Variants in PCDHGB5 observed in about 807,000 individuals in gnomAD.
PCDHGB5 encodes protocadherin gamma subfamily B, 5, also known as protocadherin gamma-B5.
Under a neutral mutation model 62.9 loss-of-function variants are expected in PCDHGB5, and 48 were observed. That is an observed-to-expected ratio of 0.76 (90% CI 0.61 to 0.97). PCDHGB5 has a LOEUF of 0.97. PCDHGB5 is among the 50% of genes least tolerant of loss of function. PCDHGB5 has a pLI of 0.00. For synonymous variants in PCDHGB5, 474 were observed against 511.2 expected (o/e 0.93, Z 0.98); for missense variants, 1,118 against 1,198.6 (o/e 0.93, Z 0.99).
Position 141,485,261 on chromosome 5 carries a change from C to G in PCDHGB5, c.2398-9546C>G, listed in dbSNP as rs759268725. 1 of 1,614,076 alleles carries G rather than the reference C, an allele frequency of 6.2e-7. No homozygotes were observed. The highest frequency in any genetic ancestry group is 8.5e-7 in the Non-Finnish European group (1 of 1,179,904). On this transcript the variant is annotated intron_variant, in intron 1 of 3. Transcript: ENST00000617380. This position sits in a 1 kb window ranked among gnomAD's most constrained non-coding sequence, Gnocchi z 5.7. The stretch of plus-strand genomic sequence containing the variant: ...TTACCACCTGGGTTACGTTTGTGGG[C>G]AGATCCGCTACCCGGTCCCAGAGGA...
chr5:141,490,396 A>G lies in PCDHGB5; in HGVS notation c.2398-4411A>G. ...GGACTCAGGTAGAAATGGTGAAGTGAGCCTTGATATCTCTCCGGACCTGCC... is the reference window on the plus strand; with the variant it reads ...GGACTCAGGTAGAAATGGTGAAGTGGGCCTTGATATCTCTCCGGACCTGCC... On this transcript the variant is annotated intron_variant, in intron 1 of 3. Coordinates refer to ENST00000617380, the MANE Select transcript of PCDHGB5 (RefSeq NM_018925.3). The surrounding 1 kb of genome is among the most constrained non-coding windows in gnomAD (Gnocchi z 5.4). 1 of 1,614,146 alleles carries G rather than the reference A, an allele frequency of 6.2e-7. No homozygotes were observed. The highest frequency in any genetic ancestry group is 8.5e-7 in the Non-Finnish European group (1 of 1,180,030).
At chr5:141,422,729 C>G (rs1352451042) in intron 1 of PCDHGB5, 1 of 1,606,960 alleles carries the variant, frequency 6.2e-7, no homozygotes, top group South Asian at 1.1e-5. Flanking sequence ...CAGGGGGTGC[C>G]TCTGTCCTCC....
intron 1 of PCDHGB5, among the ~76,000 whole-genome samples, chr5:141,488,225 T>G (rs2099673126): frequency 6.6e-6 from 1 of 152,136 alleles, no homozygotes. Flanking sequence ...CTACTGGGGA[T>G]TTGAACTAGA....
rs2093900703 is a variant in PCDHGB5, at chr5:141,399,836, T to C, written c.1709T>C (p.Leu570Pro). The stretch of plus-strand genomic sequence containing the variant: ...GCGCTGGGTCCCGACGGCTCTGCGC[T>C]CTTCGATATGGTGCCGCGCGCTGCA... ...YPALGPDGSA[L>P]FDMVPRAAEP... The change falls in exon 1 of 4, where the codon CTC becomes CCC. Residue 570 changes from leucine to proline, a missense_variant. Around this residue, in one of 2 missense-constraint regions of PCDHGB5, gnomAD observed 1,034 missense variants for 1,029.1 expected, o/e 1.00. Coordinates refer to ENST00000617380, the MANE Select transcript of PCDHGB5 (RefSeq NM_018925.3). The C allele has an allele frequency of 1.2e-6, 2 of 1,613,080 alleles. No homozygotes were observed. Among genetic ancestry groups the C allele is most frequent in the East Asian group, 2.2e-5 (1 of 44,860 alleles).
In PCDHGB5 at chr5:141,494,836, C is replaced by G. The variant is rs1016713543; in HGVS notation, c.2427C>G (p.Phe809Leu). ...CCCCGCCCAACACGGACTGGCGTTT[C>G]TCTCAGGCCCAGAGACCCGGCACCA... ...LQAPPNTDWR[F>L]SQAQRPGTSG... The change falls in exon 2 of 4, where the codon TTC (phenylalanine) becomes TTG (leucine). Residue 809 changes from phenylalanine (F) to leucine (L), a missense_variant. Phe to Leu is a conservative substitution (Grantham distance 22, BLOSUM62 0). Coordinates refer to ENST00000617380, the MANE Select transcript of PCDHGB5 (RefSeq NM_018925.3). 1.9e-6 allele frequency: 3 copies of G among 1,614,054 alleles called. No individual in the cohort carries two copies. The highest frequency in any genetic ancestry group is 2.7e-5 in the African/African-American group (2 of 74,932).
intron 1 of PCDHGB5, chr5:141,411,852 C>G (rs992038456): frequency 1.3e-5 from 2 of 151,222 alleles, no homozygotes; most frequent in East Asian, 1.9e-4. Context: ...AGAGTGAGAC[C>G]CTGTCTCAAA....
chr5:141,469,370 A>T (rs1453825795), intron 1 of PCDHGB5, among the ~76,000 whole-genome samples: 1 of 152,106 alleles, frequency 6.6e-6, no homozygotes, highest in Non-Finnish European at 1.5e-5. Flanking sequence ...AGGTAAAGAG[A>T]TCGAGACCAT....
chr5:141,495,470 C>A (rs2099761615), intron 2 of PCDHGB5, among the ~76,000 whole-genome samples: 1 of 152,196 alleles, frequency 6.6e-6, no homozygotes, highest in African/African-American at 2.4e-5. Flanking sequence ...GTGGGGTCTC[C>A]GTGTCTCTGC....
Position 141,399,924 on chromosome 5 carries a change from G to A in PCDHGB5, c.1797G>A (p.Trp599Ter). 1 of 1,612,346 alleles carries A rather than the reference G, an allele frequency of 6.2e-7. No individual in the cohort carries two copies. The highest frequency in any genetic ancestry group is 8.5e-7 in the Non-Finnish European group (1 of 1,179,732). The change falls in exon 1 of 4, where the codon TGG (tryptophan) becomes TGA (stop). Residue 599 changes from tryptophan to a stop codon, truncating the protein, a stop_gained. Coordinates refer to ENST00000617380, the MANE Select transcript of PCDHGB5 (RefSeq NM_018925.3). LOFTEE classifies it high-confidence loss of function. Reference protein sequence around the residue: ...AVDADSGHNAWLSYHVLQASE... With the variant: ...AVDADSGHNA Reference sequence around the variant, plus strand: ...ACGCAGACTCAGGACACAACGCCTGGCTGTCCTACCACGTGCTGCAGGCTA... The same window carrying A: ...ACGCAGACTCAGGACACAACGCCTGACTGTCCTACCACGTGCTGCAGGCTA...
Position 141,431,423 on chromosome 5 carries a change from C to A in PCDHGB5, c.2397+30899C>A, listed in dbSNP as rs868299769. 20 of 1,613,552 alleles carry A rather than the reference C, an allele frequency of 1.2e-5. No individual in the cohort carries two copies. In the Admixed American group the frequency reaches 2.2e-4, roughly 17 times the overall value. ...GGCCTCCGACGGGGGCGACCCGGTG[C>A]GCACAGGCACCGCGCGCATCCGCGT... On this transcript the variant is annotated intron_variant, in intron 1 of 3. Coordinates refer to ENST00000617380, the MANE Select transcript of PCDHGB5 (RefSeq NM_018925.3). The surrounding 1 kb of genome is among the most constrained non-coding windows in gnomAD (Gnocchi z 4.8).
At chr5:141,510,238 A>C (rs2099880007) in intron 3 of PCDHGB5, among the ~76,000 whole-genome samples, 1 of 149,340 alleles carries the variant, frequency 6.7e-6, no homozygotes, top group Non-Finnish European at 1.5e-5. Flanking sequence ...GCGCCACTGC[A>C]CTCCAGGCTG....
Position 141,454,782 on chromosome 5 carries a change from C to A in PCDHGB5, c.2398-40025C>A, listed in dbSNP as rs116242508. On this transcript the variant is annotated intron_variant, in intron 1 of 3. Transcript: ENST00000617380. ...GACATGTTTTTTACAAGGAAATAAT[C>A]CTCCATGGTTCTAATTTTTTTTTTT... is the stretch of plus-strand genomic sequence containing the variant. 8.4e-3 allele frequency among the ~76,000 whole-genome samples: 1,205 copies of A among 143,216 alleles called. 20 individuals are homozygous for A. Among genetic ancestry groups the A allele is most frequent in the African/African-American group, 0.03 (1,150 of 37,952 alleles). The allele number at this position is 143,216 out of a possible 152,430, so 94.0% of individuals were successfully genotyped here. A position where few individuals can be genotyped will look rare whatever the true frequency, so the allele number is the denominator to read the frequency against.
At chr5:141,409,772 C>T (rs2095314133) in intron 1 of PCDHGB5, 1 of 1,612,736 alleles carries the variant, frequency 6.2e-7, no homozygotes, top group Non-Finnish European at 8.5e-7. Flanking sequence ...TGATCACGAG[C>T]AGCTGCGCGC....
intron 3 of PCDHGB5, among the ~76,000 whole-genome samples, chr5:141,509,907 C>T (rs149338646): frequency 3.3e-5 from 5 of 152,182 alleles, no homozygotes; most frequent in South Asian, 2.1e-4. Context: ...TTCCAGCATG[C>T]GCTTAGGTAC....
Position 141,431,938 on chromosome 5 carries a change from A to G in PCDHGB5, c.2397+31414A>G, listed in dbSNP as rs150199588. 49 of 1,614,050 alleles carry G rather than the reference A, an allele frequency of 3.0e-5. No individual in the cohort carries two copies. Among genetic ancestry groups the G allele is most frequent in the Non-Finnish European group, 3.9e-5 (46 of 1,180,026 alleles). Reference sequence around the variant, plus strand: ...TCATCCAAGGAAATCTGCCCTTTAAATTAGAAAAATCTTACGGAAATTACT... The same window carrying G: ...TCATCCAAGGAAATCTGCCCTTTAAGTTAGAAAAATCTTACGGAAATTACT... On this transcript the variant is annotated intron_variant, in intron 1 of 3. Coordinates refer to ENST00000617380, the MANE Select transcript of PCDHGB5 (RefSeq NM_018925.3). This position sits in a 1 kb window ranked among gnomAD's most constrained non-coding sequence, Gnocchi z 4.8.
intron 1 of PCDHGB5, chr5:141,414,822 C>A: frequency 6.2e-7 from 1 of 1,614,240 alleles, no homozygotes; most frequent in Non-Finnish European, 8.5e-7. Context: ...TCAGCAGCAA[C>A]GTGTCGTTGA....
chr5:141,476,803 T>G lies in PCDHGB5; in HGVS notation c.2398-18004T>G, dbSNP rs756358461. 3 of 1,613,688 alleles carry G rather than the reference T, an allele frequency of 1.9e-6. No individual in the cohort carries two copies. The highest frequency in any genetic ancestry group is 2.2e-5 in the South Asian group (2 of 91,092). ...CCCCAGCTCTCTCCGCCAGCCTGCCTATTCACATCAAGGTGCTGGACGCGA... is the reference window on the plus strand; with the variant it reads ...CCCCAGCTCTCTCCGCCAGCCTGCCGATTCACATCAAGGTGCTGGACGCGA... On this transcript the variant is annotated intron_variant, in intron 1 of 3. Transcript: ENST00000617380. The surrounding 1 kb of genome is among the most constrained non-coding windows in gnomAD (Gnocchi z 7.6).
chr5:141,432,870 T>C lies in PCDHGB5; in HGVS notation c.2397+32346T>C, dbSNP rs1022024380. The stretch of plus-strand genomic sequence containing the variant: ...GCGGTGGCCGCGGTCTCCTGCGTCT[T>C]CCTGGCCTTCGTCATCTTGCTGCTG... On this transcript the variant is annotated intron_variant, in intron 1 of 3. Transcript: ENST00000617380. This position sits in a 1 kb window ranked among gnomAD's most constrained non-coding sequence, Gnocchi z 6.0. The C allele has an allele frequency of 1.9e-6, 3 of 1,614,030 alleles. No homozygotes were observed. In the African/African-American group the frequency reaches 4.0e-5, roughly 22 times the overall value.
At chr5:141,427,088 T>C in intron 1 of PCDHGB5, 1 of 458,156 alleles carries the variant, frequency 2.2e-6, no homozygotes. Flanking sequence ...CTGACCAGGA[T>C]GAGGGTGTCA....
Sources: allele counts gnomAD v4.1 joint callset (sites outside exome capture counted in the v4.1 genomes callset), GRCh38; gene constraint gnomAD v4.1.1; regional missense constraint gnomAD v4.1.1; non-coding constraint Gnocchi (gnomAD v3.1); transcripts MANE v1.5; gene names NCBI Gene and HGNC (gene_info 2026-07-23, HGNC 2026-07-21).